Variants in LGR5 observed in about 807,000 individuals in gnomAD.
LGR5 encodes leucine-rich repeat-containing G protein-coupled receptor 5.
In LGR5, 54 loss-of-function variants were observed where a neutral mutation model predicts 76.7. The ratio of observed to expected loss-of-function variants is 0.70; its 90% CI spans 0.57 to 0.88. LGR5 has a LOEUF of 0.88. Among genes scored for constraint, LGR5 ranks in the 40% least tolerant of loss-of-function variants. The probability of loss-of-function intolerance (pLI) is 0.00; values close to 1 mark genes in which losing one functional copy is unlikely to be tolerated. For synonymous variants in LGR5, 406 were observed against 421.9 expected, an observed-to-expected ratio of 0.96 and a Z score of 0.46; for missense variants, 1,078 against 1,073.3, an observed-to-expected ratio of 1.00 and a Z score of -0.06.
At chr12:71,496,391 A>AAAG (rs1555169618) in intron 1 of LGR5, among the ~76,000 whole-genome samples, 15 of 115,008 alleles carry the variant, frequency 1.3e-4, no homozygotes, top group African/African-American at 3.0e-4. Flanking sequence ...AAAAAAAAAA[A>AAAG]AGAGAGAGAG....
intron 1 of LGR5, among the ~76,000 whole-genome samples, chr12:71,488,327 C>G (rs1223424674): frequency 6.6e-6 from 1 of 152,178 alleles, no homozygotes; most frequent in Non-Finnish European, 1.5e-5. Flanking sequence ...ACTTAAGTCA[C>G]CTATAGGTTG....
At chr12:71,540,912 T>A (rs1297302424) in intron 4 of LGR5, among the ~76,000 whole-genome samples, 1 of 152,194 alleles carries the variant, frequency 6.6e-6, no homozygotes, top group Admixed American at 6.5e-5. Context: ...TCCACTAAAA[T>A]AGTCTCCAGA....
chr12:71,522,557 A>G (rs1469556527), intron 2 of LGR5, among the ~76,000 whole-genome samples: 1 of 152,188 alleles, frequency 6.6e-6, no homozygotes, highest in East Asian at 1.9e-4. Flanking sequence ...TATATTTGGA[A>G]ACAAAGGTTT....
chr12:71,553,866 G>A (rs183047435), intron 5 of LGR5, among the ~76,000 whole-genome samples: 16 of 152,322 alleles, frequency 1.1e-4, no homozygotes, highest in African/African-American at 3.8e-4. Context: ...CAAGGCGGGT[G>A]TATCACTTGA....
chr12:71,470,236 C>G (rs1192761437), intron 1 of LGR5, among the ~76,000 whole-genome samples: 1 of 152,166 alleles, frequency 6.6e-6, no homozygotes, highest in African/African-American at 2.4e-5. Flanking sequence ...AAGTCTTAGC[C>G]AGGGTTAGTT....
At chr12:71,582,996 A>G (rs2464108) in intron 17 of LGR5, among the ~76,000 whole-genome samples, 135,870 of 142,980 alleles carry the variant, frequency 0.95, 64,888 homozygotes, top group South Asian at 1. Context: ...GGGGAAGGGA[A>G]GGGAGGGGAG....
chr12:71,539,879 T>G (rs970783871), intron 4 of LGR5, among the ~76,000 whole-genome samples: 8 of 152,232 alleles, frequency 5.3e-5, no homozygotes, highest in Non-Finnish European at 1.0e-4. Flanking sequence ...AGCCTGCCCC[T>G]GTACAGTATG....
In LGR5 at chr12:71,439,959, G is replaced by C; in HGVS notation, c.-122G>C. On this transcript the variant is annotated 5_prime_UTR_variant, in exon 1 of 18. Coordinates refer to ENST00000266674, the MANE Select transcript of LGR5 (RefSeq NM_003667.4). ...CGTGGGGTCAGGAACGCGGCGTCTG[G>C]CGCTGCAGACGCCCGCTGAGTTGCA... is the stretch of plus-strand genomic sequence containing the variant. 1 of 852,848 alleles carries C rather than the reference G, an allele frequency of 1.2e-6. No homozygotes were observed. The highest frequency in any genetic ancestry group is 1.8e-6 in the Non-Finnish European group (1 of 567,888). The allele number at this position is 852,848 out of a possible 1,614,324, so 52.8% of individuals were successfully genotyped here.
At chr12:71,493,165 T>A (rs1255426639) in intron 1 of LGR5, among the ~76,000 whole-genome samples, 1 of 151,400 alleles carries the variant, frequency 6.6e-6, no homozygotes, top group Non-Finnish European at 1.5e-5. Context: ...ACCAATCTTT[T>A]GTGGGAAGAC....
chr12:71,459,361 T>C (rs986086213), intron 1 of LGR5, among the ~76,000 whole-genome samples: 1 of 152,100 alleles, frequency 6.6e-6, no homozygotes, highest in African/African-American at 2.4e-5. Context: ...AAGGTAGCAA[T>C]CATGGCATAT....
At chr12:71,469,589 C>T (rs1873009041) in intron 1 of LGR5, among the ~76,000 whole-genome samples, 1 of 152,318 alleles carries the variant, frequency 6.6e-6, no homozygotes, top group Admixed American at 6.5e-5. Context: ...CCAAGAGGGG[C>T]AGGAGATGGG....
intron 14 of LGR5, among the ~76,000 whole-genome samples, chr12:71,578,311 A>G (rs1302612877): frequency 6.6e-6 from 1 of 152,118 alleles, no homozygotes; most frequent in Non-Finnish European, 1.5e-5. Flanking sequence ...ATTTTATTTT[A>G]TGCCATTTTG....
intron 6 of LGR5, among the ~76,000 whole-genome samples, chr12:71,557,570 T>A (rs1877839295): frequency 6.6e-6 from 1 of 152,186 alleles, no homozygotes; most frequent in South Asian, 2.1e-4. Context: ...CAGTTCTTAA[T>A]TGGTACCTAT....
At chr12:71,575,145 G>A (rs77056424) in intron 13 of LGR5, among the ~76,000 whole-genome samples, 3,952 of 152,192 alleles carry the variant, frequency 0.026, 195 homozygotes, top group African/African-American at 0.091. Flanking sequence ...TTTTCCTCAT[G>A]AGTATAATGA....
intron 2 of LGR5, among the ~76,000 whole-genome samples, chr12:71,520,956 G>A (rs1875699928): frequency 6.6e-6 from 1 of 152,178 alleles, no homozygotes; most frequent in African/African-American, 2.4e-5. Context: ...GTTTAAAATA[G>A]TAAATATTGT....
chr12:71,499,006 C>T (rs575701589), intron 1 of LGR5, among the ~76,000 whole-genome samples: 20 of 152,186 alleles, frequency 1.3e-4, no homozygotes, highest in African/African-American at 2.6e-4. Context: ...TACAAACACA[C>T]GAAGACCGTG....
chr12:71,489,523 T>C (rs895555822), intron 1 of LGR5, among the ~76,000 whole-genome samples: 1 of 152,220 alleles, frequency 6.6e-6, no homozygotes, highest in Middle Eastern at 3.2e-3. Flanking sequence ...ATTTTAACAA[T>C]TTCAGTGGTA....
chr12:71,563,741 C>T lies in LGR5; in HGVS notation c.857+1889C>T, dbSNP rs1322473197. Among the ~76,000 whole-genome samples, 6 of 152,198 alleles carry T rather than the reference C, an allele frequency of 3.9e-5. No homozygotes were observed. In the South Asian group the frequency reaches 6.2e-4, roughly 16 times the overall value. ...GCCATTTCTTGAAGTTTTTTATAATCTCTCCCGAACATATGAGAGAGTTCC... is the reference window on the plus strand; with the variant it reads ...GCCATTTCTTGAAGTTTTTTATAATTTCTCCCGAACATATGAGAGAGTTCC... On this transcript the variant is annotated intron_variant, in intron 8 of 17. Transcript: ENST00000266674.
chr12:71,555,230 A>G (rs539610124), intron 5 of LGR5, among the ~76,000 whole-genome samples: 2 of 152,280 alleles, frequency 1.3e-5, no homozygotes, highest in South Asian at 4.2e-4. Context: ...TCTACACTGA[A>G]TTTCACATAT....
Sources: gnomAD v4.1 joint callset for allele counts (sites outside exome capture counted in the v4.1 genomes callset) on GRCh38, gnomAD v4.1.1 for gene constraint, MANE v1.5 for transcripts, NCBI Gene and HGNC (gene_info 2026-07-23, HGNC 2026-07-21) for gene names.